Variants in SERINC5 observed in about 807,000 individuals in gnomAD.
The protein encoded by SERINC5 is serine incorporator 5, also known as chromosome 5 open reading frame 12.
Under a neutral mutation model 63.1 loss-of-function variants are expected in SERINC5, and 41 were observed. That is an observed-to-expected ratio of 0.65 (90% CI 0.51 to 0.84). SERINC5 has a LOEUF of 0.84. Ranked by LOEUF, SERINC5 falls within the 40% of genes least tolerant of loss-of-function variation. The probability of loss-of-function intolerance (pLI) is 0.00; values close to 1 mark genes in which losing one functional copy is unlikely to be tolerated. For missense variants in SERINC5, 523 were observed against 573.0 expected (o/e 0.91, Z 0.89); for synonymous variants, 222 against 215.2 (o/e 1.03, Z -0.28).
At chr5:80,239,343 T>C (rs966488779) in intron 1 of SERINC5, among the ~76,000 whole-genome samples, 2 of 152,220 alleles carry the variant, frequency 1.3e-5, no homozygotes, top group African/African-American at 2.4e-5. Context: ...TTAAAAACTA[T>C]TGGAGTGTGC....
intron 4 of SERINC5, among the ~76,000 whole-genome samples, chr5:80,176,714 G>C (rs1308707661): frequency 6.6e-6 from 1 of 152,186 alleles, no homozygotes; most frequent in Non-Finnish European, 1.5e-5. Context: ...TAGGATTACA[G>C]GTGTGAGCTA....
At chr5:80,174,598 G>T (rs149560851) in intron 5 of SERINC5, among the ~76,000 whole-genome samples, 43 of 151,886 alleles carry the variant, frequency 2.8e-4, no homozygotes, top group Non-Finnish European at 4.4e-5. Flanking sequence ...TTATAAGCAA[G>T]AGTCTGTTAA....
intron 2 of SERINC5, among the ~76,000 whole-genome samples, chr5:80,198,344 A>C (rs1301583839): frequency 6.6e-6 from 1 of 152,146 alleles, no homozygotes; most frequent in Non-Finnish European, 1.5e-5. Flanking sequence ...GGGAAAGAGG[A>C]GTTTCCCTAA....
intron 11 of SERINC5, among the ~76,000 whole-genome samples, chr5:80,129,381 C>G (rs1210943909): frequency 2.0e-5 from 3 of 152,206 alleles, no homozygotes; most frequent in Non-Finnish European, 4.4e-5. Flanking sequence ...TCACTGCAGC[C>G]TGGAACTCAT....
intron 8 of SERINC5, among the ~76,000 whole-genome samples, chr5:80,156,698 A>G (rs758617097): frequency 3.3e-5 from 5 of 152,202 alleles, no homozygotes; most frequent in African/African-American, 9.7e-5. Context: ...TCAACTTTGA[A>G]AATTGACATC....
In SERINC5 at chr5:80,143,456, A is replaced by G; in HGVS notation, c.*207T>C. 1 of 1,326,544 alleles carries G rather than the reference A, an allele frequency of 7.5e-7. No individual in the cohort carries two copies. The highest frequency in any genetic ancestry group is 9.6e-7 in the Non-Finnish European group (1 of 1,040,478). The allele number at this position is 1,326,544 out of a possible 1,614,324, so 82.2% of individuals were successfully genotyped here. ...ATTTCAACCATGATCAGTTTGGTTGAAAATTTCAATTCCTTTGGGACAAAC... is the reference window on the plus strand; with the variant it reads ...ATTTCAACCATGATCAGTTTGGTTGGAAATTTCAATTCCTTTGGGACAAAC... On this transcript the variant is annotated 3_prime_UTR_variant, in exon 12 of 12. Transcript: ENST00000507668.
chr5:80,120,785 C>G (rs1037734564), intron 11 of SERINC5, among the ~76,000 whole-genome samples: 10 of 152,096 alleles, frequency 6.6e-5, no homozygotes, highest in African/African-American at 2.4e-4. Context: ...GCACTCCAGC[C>G]TGGGGGACAG....
At chr5:80,120,304 AG>A (rs1271317990) in intron 11 of SERINC5, among the ~76,000 whole-genome samples, 3 of 152,204 alleles carry the variant, frequency 2.0e-5, no homozygotes, top group African/African-American at 7.2e-5. Context: ...CAAAGGCTTA[AG>A]GAACAGATAT....
chr5:80,175,512 G>A (rs889830209), intron 4 of SERINC5, among the ~76,000 whole-genome samples: 2 of 152,188 alleles, frequency 1.3e-5, no homozygotes, highest in Non-Finnish European at 1.5e-5. Context: ...TTCTGGCTCT[G>A]CCACAAAGAC....
chr5:80,124,293 C>T (rs752078234), intron 11 of SERINC5, among the ~76,000 whole-genome samples: 6 of 152,244 alleles, frequency 3.9e-5, no homozygotes, highest in Non-Finnish European at 5.9e-5. Context: ...GCACTTCTAG[C>T]TGGCCCACTT....
intron 2 of SERINC5, among the ~76,000 whole-genome samples, chr5:80,188,683 C>G (rs1311385484): frequency 6.6e-6 from 1 of 152,128 alleles, no homozygotes; most frequent in Non-Finnish European, 1.5e-5. Context: ...CCCCGGAGTT[C>G]AAGACCAGCC....
In SERINC5 at chr5:80,233,751, G is replaced by A. The variant is rs114379399; in HGVS notation, c.27+22145C>T. Among the ~76,000 whole-genome samples, 930 of 145,588 alleles carry A rather than the reference G, an allele frequency of 6.4e-3. 5 individuals carry two copies. The highest frequency in any genetic ancestry group is 0.026 in the Middle Eastern group (7 of 270). On this transcript the variant is annotated intron_variant, in intron 1 of 11. Coordinates refer to ENST00000507668, the MANE Select transcript of SERINC5 (RefSeq NM_001174072.3). ...ATGTTTCTTAAGTTATTAGTCTGCTGTAAAATGCTTTGTAAAGTTTACAGG... is the reference window on the plus strand; with the variant it reads ...ATGTTTCTTAAGTTATTAGTCTGCTATAAAATGCTTTGTAAAGTTTACAGG...
chr5:80,157,551 C>CT (rs77887460), intron 8 of SERINC5: 150,448 of 150,468 alleles, frequency 1, 75,214 homozygotes, highest in Middle Eastern at 1. Flanking sequence ...GAAACAGGGT[C>CT]TGCTATGTTG....
chr5:80,116,118 A>C (rs1031389226), intron 11 of SERINC5: 1 of 360,460 alleles, frequency 2.8e-6, no homozygotes, highest in African/African-American at 2.1e-5. Flanking sequence ...ACGTTGCTGC[A>C]GCAATGCAAA....
chr5:80,164,247 A>G (rs1016016641), intron 7 of SERINC5, among the ~76,000 whole-genome samples: 4 of 150,004 alleles, frequency 2.7e-5, no homozygotes, highest in African/African-American at 9.9e-5. Flanking sequence ...CTTCTTGGTT[A>G]GTCCAGGGGC....
Position 80,169,484 on chromosome 5 carries a change from A to C in SERINC5, c.614T>G (p.Met205Arg). ...CAAGCCTCCAGTGGCAATGGAATAC[A>C]TGATGAGCGTCACCAGGGCCAGGGA... ...YASLALVTLI[M>R]YSIATGGLVL... The change falls in exon 6 of 12, where the codon ATG becomes AGG. Residue 205 changes from methionine (M) to arginine (R), a missense_variant. Coordinates refer to ENST00000507668, the MANE Select transcript of SERINC5 (RefSeq NM_001174072.3). 1.2e-6 allele frequency: 2 copies of C among 1,613,974 alleles called. No homozygotes were observed. Among genetic ancestry groups the C allele is most frequent in the South Asian group, 1.1e-5 (1 of 91,080 alleles).
intron 1 of SERINC5, among the ~76,000 whole-genome samples, chr5:80,208,371 T>TAA (rs5869025): frequency 1.3e-4 from 18 of 138,962 alleles, no homozygotes; most frequent in South Asian, 7.0e-4. Context: ...AAAACTGCTC[T>TAA]AAAAAAAAAA....
chr5:80,118,456 A>T (rs899972126), intron 11 of SERINC5, among the ~76,000 whole-genome samples: 1 of 152,192 alleles, frequency 6.6e-6, no homozygotes, highest in Non-Finnish European at 1.5e-5. Context: ...AGGCACTGGA[A>T]GCTGTAGTGT....
intron 1 of SERINC5, among the ~76,000 whole-genome samples, chr5:80,205,371 T>C (rs1371665777): frequency 6.6e-6 from 1 of 152,156 alleles, no homozygotes; most frequent in African/African-American, 2.4e-5. Flanking sequence ...CTAGACGGTT[T>C]CAAAAGGAAC....
Sources: gnomAD v4.1 joint callset for allele counts (sites outside exome capture counted in the v4.1 genomes callset) on GRCh38, gnomAD v4.1.1 for gene constraint, MANE v1.5 for transcripts, NCBI Gene and HGNC (gene_info 2026-07-23, HGNC 2026-07-21) for gene names.